The following FOXP4 variants were observed in gnomAD, a reference collection of about 807,000 sequenced individuals.
FOXP4 encodes the protein forkhead box P4.
Under a neutral mutation model 82.6 loss-of-function variants are expected in FOXP4, and 25 were observed. That is an observed-to-expected ratio of 0.30 (90% confidence interval 0.22 to 0.42). The LOEUF (loss-of-function observed/expected upper bound fraction) is 0.42, where lower values mean the gene tolerates loss of function less well. FOXP4 is among the 10% of genes least tolerant of loss of function. The probability of loss-of-function intolerance (pLI) is 1.00; values close to 1 mark genes in which losing one functional copy is unlikely to be tolerated. For missense variants in FOXP4, 785 were observed against 900.9 expected (o/e 0.87, Z 1.65); for synonymous variants, 415 against 388.2 (o/e 1.07, Z -0.81).
intron 3 of FOXP4, among the ~76,000 whole-genome samples, chr6:41,579,788 A>G (rs1265613091): frequency 6.6e-6 from 1 of 152,152 alleles, no homozygotes; most frequent in Non-Finnish European, 1.5e-5. Context: ...TGATTCATTC[A>G]TTCATTCAAC....
intron 1 of FOXP4, among the ~76,000 whole-genome samples, chr6:41,551,213 CAA>C (rs1308598447): frequency 1.3e-5 from 2 of 152,234 alleles, no homozygotes; most frequent in African/African-American, 4.8e-5. Flanking sequence ...ATCTAGAAAA[CAA>C]GAGCTCCTGG....
rs1386384865 is a variant in FOXP4, at chr6:41,602,234, T to TA, written c.*3299dup. 1 of 152,140 alleles carries TA rather than the reference T, an allele frequency of 6.6e-6. No homozygotes were observed. The highest frequency in any genetic ancestry group is 2.4e-5 in the African/African-American group (1 of 41,430). The allele number at this position is 152,140 out of a possible 1,614,324, so 9.4% of individuals were successfully genotyped here. ...TTGGTCTCAGAGTCTCCCCACCAGA[T>TA]ACTGTTTAAAAAAGTAGCACTGATG... On this transcript the variant is annotated 3_prime_UTR_variant, in exon 17 of 17. Coordinates refer to ENST00000307972, the MANE Select transcript of FOXP4 (RefSeq NM_001012426.2).
intron 2 of FOXP4, among the ~76,000 whole-genome samples, chr6:41,572,305 G>GAGTC (rs1562024017): frequency 1.3e-5 from 2 of 152,094 alleles, no homozygotes; most frequent in African/African-American, 4.8e-5. Context: ...ACACACCCTA[G>GAGTC]AGCCAGCCAG....
intron 1 of FOXP4, among the ~76,000 whole-genome samples, chr6:41,547,913 G>A (rs186810554): frequency 1.3e-5 from 2 of 152,218 alleles, no homozygotes; most frequent in Admixed American, 1.3e-4. Flanking sequence ...AGCACAGCCA[G>A]TGGCGCTAGA....
At chr6:41,568,939 A>G (rs1333973585) in intron 2 of FOXP4, among the ~76,000 whole-genome samples, 1 of 152,224 alleles carries the variant, frequency 6.6e-6, no homozygotes, top group African/African-American at 2.4e-5. Context: ...TGCAACGAGC[A>G]GGCTGGGAGC....
intron 2 of FOXP4, among the ~76,000 whole-genome samples, chr6:41,574,298 G>A (rs1420775159): frequency 2.6e-5 from 4 of 152,188 alleles, no homozygotes; most frequent in African/African-American, 9.7e-5. Flanking sequence ...AGTAAGCCCT[G>A]AGCAGTCAGA....
At chr6:41,549,499 C>T (rs1342437172) in intron 1 of FOXP4, among the ~76,000 whole-genome samples, 1 of 152,196 alleles carries the variant, frequency 6.6e-6, no homozygotes, top group East Asian at 1.9e-4. Context: ...CAGGAATGTG[C>T]ATATCCTGCT....
At chr6:41,560,698 T>TG (rs1393778285) in intron 1 of FOXP4, among the ~76,000 whole-genome samples, 1 of 152,166 alleles carries the variant, frequency 6.6e-6, no homozygotes, top group Non-Finnish European at 1.5e-5. Context: ...TGTGCCTGTT[T>TG]GGGGGAAGAA....
chr6:41,596,246 G>T (rs116970182), intron 14 of FOXP4, among the ~76,000 whole-genome samples: 5,905 of 152,260 alleles, frequency 0.039, 315 homozygotes, highest in East Asian at 0.18. Context: ...ACAGGGTCAG[G>T]ACCTCCCTTT....
In FOXP4 at chr6:41,558,893, T is replaced by C. The variant is rs1327260614; in HGVS notation, c.-16-6852T>C. Among the ~76,000 whole-genome samples the C allele has an allele frequency of 6.6e-6, 1 of 152,132 alleles. No homozygotes were observed. The highest frequency in any genetic ancestry group is 2.4e-5 in the African/African-American group (1 of 41,424). On this transcript the variant is annotated intron_variant, in intron 1 of 16. Transcript: ENST00000307972. This position sits in a 1 kb window ranked among gnomAD's most constrained non-coding sequence, Gnocchi z 4.0. ...AGCAGGATAGCTAGAAACAAACAAA[T>C]AGAGAAAGAAGGAACTAGAAGACAT...
At chr6:41,564,962 C>T (rs979029800) in intron 1 of FOXP4, among the ~76,000 whole-genome samples, 3 of 152,134 alleles carry the variant, frequency 2.0e-5, no homozygotes, top group African/African-American at 7.2e-5. Flanking sequence ...GGGATGGGAG[C>T]AAACACAAAG....
intron 2 of FOXP4, among the ~76,000 whole-genome samples, chr6:41,571,682 T>C (rs1433993860): frequency 6.6e-6 from 1 of 152,230 alleles, no homozygotes; most frequent in Non-Finnish European, 1.5e-5. Flanking sequence ...AAGCTTTTTT[T>C]TCCCAAGGGA....
At chr6:41,547,338 C>T (rs1763698473) in intron 1 of FOXP4, 1 of 152,214 alleles carries the variant, frequency 6.6e-6, no homozygotes, top group African/African-American at 2.4e-5. Context: ...TACTTCCCGG[C>T]CCAGACTTTC....
At chr6:41,578,634 T>A (rs1297691552) in intron 3 of FOXP4, among the ~76,000 whole-genome samples, 1 of 148,052 alleles carries the variant, frequency 6.8e-6, no homozygotes, top group Non-Finnish European at 1.5e-5. Flanking sequence ...TTGCACAATC[T>A]GCCCTTTTTT....
intron 7 of FOXP4, 61 bp downstream of exon 7, chr6:41,587,573 C>A (rs537591559): frequency 1.7e-5 from 23 of 1,352,072 alleles, no homozygotes; most frequent in Non-Finnish European, 1.9e-5. Context: ...CCTGGCCCCC[C>A]ACCCATGAGG....
intron 1 of FOXP4, among the ~76,000 whole-genome samples, chr6:41,549,746 A>C (rs9394807): frequency 1.4e-5 from 2 of 139,498 alleles, no homozygotes; most frequent in South Asian, 2.4e-4. Flanking sequence ...GGGAGGGTGG[A>C]GGGGAGAAGA....
intron 1 of FOXP4, chr6:41,547,383 T>C (rs529095710): frequency 6.6e-6 from 1 of 152,260 alleles, no homozygotes; most frequent in African/African-American, 2.4e-5. Context: ...CCCCCAACTC[T>C]AGTCGGTACC....
At position 41,560,369 on chromosome 6, in the gene FOXP4, G is replaced by A. The variant is rs985730932; in HGVS notation, c.-16-5376G>A. Among the ~76,000 whole-genome samples, 7 of 152,242 alleles carry A rather than the reference G, an allele frequency of 4.6e-5. No homozygotes were observed. The East Asian group carries it at 1.2e-3, about 25-fold the overall frequency. On this transcript the variant is annotated intron_variant, in intron 1 of 16. Coordinates refer to ENST00000307972, the MANE Select transcript of FOXP4 (RefSeq NM_001012426.2). ...AGGGTCAGGCTGTCAGCTGGGCCAC[G>A]TCCTGCTGTCTCCCAGACTATATTA...
chr6:41,574,555 G>A (rs1256350660), intron 2 of FOXP4, among the ~76,000 whole-genome samples: 2 of 152,248 alleles, frequency 1.3e-5, no homozygotes, highest in African/African-American at 2.4e-5. Flanking sequence ...CATGTCTGCT[G>A]TGTGCTGGTG....
Sources: allele counts gnomAD v4.1 joint callset (sites outside exome capture counted in the v4.1 genomes callset), GRCh38; gene constraint gnomAD v4.1.1; non-coding constraint Gnocchi (gnomAD v3.1); transcripts MANE v1.5; gene names NCBI Gene and HGNC (gene_info 2026-07-23, HGNC 2026-07-21).